STXBP3: variants seen among roughly 807,000 people sequenced by gnomAD.
The protein encoded by STXBP3 is syntaxin binding protein 3.
Under a neutral mutation model 85.7 loss-of-function variants are expected in STXBP3, and 41 were observed. That is an observed-to-expected ratio of 0.48 (90% CI 0.37 to 0.62). STXBP3 has a LOEUF of 0.62. Ranked by LOEUF, STXBP3 falls within the 20% of genes least tolerant of loss-of-function variation. The pLI, the probability that STXBP3 is intolerant of heterozygous loss-of-function variation, is 0.00. For synonymous variants in STXBP3, 229 were observed against 231.7 expected, an observed-to-expected ratio of 0.99 and a Z score of 0.10; for missense variants, 563 against 703.1, an observed-to-expected ratio of 0.80 and a Z score of 2.25.
chr1:108,777,517 A>G (rs910499607), intron 8 of STXBP3, among the ~76,000 whole-genome samples: 1 of 152,164 alleles, frequency 6.6e-6, no homozygotes, highest in Admixed American at 6.6e-5. Context: ...GAAGGCTGTT[A>G]TTCTGGTTGT....
At chr1:108,792,114 A>G (rs887787822) in intron 11 of STXBP3, among the ~76,000 whole-genome samples, 1 of 152,196 alleles carries the variant, frequency 6.6e-6, no homozygotes, top group Non-Finnish European at 1.5e-5. Context: ...TTCATATCAG[A>G]CATTCATGTC....
At chr1:108,790,581 A>G (rs1470988289) in intron 11 of STXBP3, among the ~76,000 whole-genome samples, 1 of 151,978 alleles carries the variant, frequency 6.6e-6, no homozygotes, top group African/African-American at 2.4e-5. Flanking sequence ...AATTATTGAT[A>G]TAGTTAAATT....
intron 9 of STXBP3, chr1:108,780,289 CTG>C (rs1179310902): frequency 4.6e-5 from 7 of 151,580 alleles, no homozygotes; most frequent in African/African-American, 1.2e-4. Context: ...GAGTTTTTCT[CTG>C]TATTATCTGT....
intron 17 of STXBP3, among the ~76,000 whole-genome samples, chr1:108,804,036 A>T (rs1663281251): frequency 1.3e-5 from 2 of 152,126 alleles, no homozygotes; most frequent in South Asian, 4.1e-4. Context: ...TCTCTGTGCT[A>T]TGTGTATCTG....
intron 7 of STXBP3, among the ~76,000 whole-genome samples, chr1:108,773,810 A>C (rs1296975538): frequency 6.6e-6 from 1 of 152,118 alleles, no homozygotes; most frequent in Non-Finnish European, 1.5e-5. Context: ...CAAACGCCAC[A>C]CAGACAGTGG....
intron 6 of STXBP3, among the ~76,000 whole-genome samples, chr1:108,768,522 A>G (rs1180602221): frequency 6.6e-6 from 1 of 152,200 alleles, no homozygotes; most frequent in African/African-American, 2.4e-5. Flanking sequence ...GTAAAGATAC[A>G]GAATCAGAAG....
chr1:108,787,592 C>A (rs1350840751), intron 11 of STXBP3, among the ~76,000 whole-genome samples: 1 of 151,980 alleles, frequency 6.6e-6, no homozygotes, highest in Non-Finnish European at 1.5e-5. Flanking sequence ...CTGGCTGATA[C>A]CTCCAGTATA....
intron 17 of STXBP3, among the ~76,000 whole-genome samples, chr1:108,802,340 T>C (rs545779063): frequency 1.5e-4 from 23 of 152,262 alleles, no homozygotes; most frequent in African/African-American, 5.5e-4. Flanking sequence ...GAGGTTGCAG[T>C]GAGCCAAGAT....
In STXBP3 at chr1:108,773,447, A is replaced by G. The variant is rs77978765; in HGVS notation, c.593+628A>G. Among the ~76,000 whole-genome samples, 1,142 of 152,314 alleles carry G rather than the reference A, an allele frequency of 7.5e-3. 13 individuals carry two copies. Among genetic ancestry groups the G allele is most frequent in the African/African-American group, 0.026 (1,092 of 41,568 alleles). ...GTTCCTTGGTTATGTAATGTCACCA[A>G]ACTTCTACATAAAGACCTGAAACAC... On this transcript the variant is annotated intron_variant, in intron 7 of 18. Transcript: ENST00000370008.
chr1:108,766,975 T>G, intron 6 of STXBP3: 2 of 522,660 alleles, frequency 3.8e-6, no homozygotes, highest in South Asian at 2.9e-5. Flanking sequence ...ACTGTTGCTT[T>G]CAACCCTGCT....
rs79979948 is a variant in STXBP3 at position 108,794,688 on chromosome 1, G to C, written c.1030-139G>C. 9.1e-3 allele frequency: 6,006 copies of C among 656,620 alleles called. 101 individuals are homozygous for C. The highest frequency in any genetic ancestry group is 0.054 in the African/African-American group (2,937 of 54,698). The allele number at this position is 656,620 out of a possible 1,614,324, so 40.7% of individuals were successfully genotyped here. A position where few individuals can be genotyped will look rare whatever the true frequency, so the allele number is the denominator to read the frequency against. ...CACCTTCTCATTTACTTCCTTTCTT[G>C]AGCTGTTCCCTTGCTTACATGTTAC... On this transcript the variant is annotated intron_variant, in intron 12 of 18. Coordinates refer to ENST00000370008, the MANE Select transcript of STXBP3 (RefSeq NM_007269.4).
At chr1:108,798,879 A>T (rs1392749200) in intron 16 of STXBP3, among the ~76,000 whole-genome samples, 1 of 152,252 alleles carries the variant, frequency 6.6e-6, no homozygotes, top group East Asian at 1.9e-4. Context: ...TAACATTTGT[A>T]TGTGGACCAC....
At chr1:108,768,980 C>G (rs891974383) in intron 6 of STXBP3, among the ~76,000 whole-genome samples, 1 of 152,060 alleles carries the variant, frequency 6.6e-6, no homozygotes, top group African/African-American at 2.4e-5. Context: ...GGGCACCAAC[C>G]CCCTGTGCAG....
At chr1:108,797,767 ACT>A (rs1236896030) in intron 15 of STXBP3, among the ~76,000 whole-genome samples, 1 of 130,458 alleles carries the variant, frequency 7.7e-6, no homozygotes, top group Admixed American at 7.6e-5. Context: ...ACGTAGTCTC[ACT>A]CTGTCACCCA....
intron 6 of STXBP3, among the ~76,000 whole-genome samples, chr1:108,764,443 C>G (rs1241284289): frequency 1.3e-5 from 2 of 152,114 alleles, no homozygotes; most frequent in African/African-American, 4.8e-5. Flanking sequence ...AATGGTAGTT[C>G]TGTTTTTTAG....
chr1:108,803,942 G>A (rs115263101), intron 17 of STXBP3, among the ~76,000 whole-genome samples: 2,289 of 152,252 alleles, frequency 0.015, 28 homozygotes, highest in Non-Finnish European at 0.024. Context: ...AAGGTGGAGG[G>A]GGTTGTGTTT....
chr1:108,771,406 C>CTA (rs370854392), intron 6 of STXBP3, among the ~76,000 whole-genome samples: 791 of 15,482 alleles, frequency 0.051, 125 homozygotes, highest in Non-Finnish European at 0.096. Context: ...TGATATATAT[C>CTA]TATATATATA....
At chr1:108,761,126 G>A (rs529248439) in intron 6 of STXBP3, among the ~76,000 whole-genome samples, 16 of 152,164 alleles carry the variant, frequency 1.1e-4, no homozygotes, top group South Asian at 6.2e-4. Context: ...GGCTGGTCTC[G>A]AACTGCTGAC....
chr1:108,807,572 T>C (rs756716988), intron 18 of STXBP3, 23 bp downstream of exon 18: 201 of 1,577,606 alleles, frequency 1.3e-4, no homozygotes, highest in Non-Finnish European at 1.6e-4. Context: ...TTTTCTTCTT[T>C]TCTGTTTTTT....
Sources: allele counts gnomAD v4.1 joint callset (sites outside exome capture counted in the v4.1 genomes callset), GRCh38; gene constraint gnomAD v4.1.1; transcripts MANE v1.5; gene names NCBI Gene and HGNC (gene_info 2026-07-23, HGNC 2026-07-21).